Variants in SASH1 observed in about 807,000 individuals in gnomAD.
SASH1 encodes SAM and SH3 domain-containing protein 1.
In SASH1, 44 loss-of-function variants were observed where a neutral mutation model predicts 125.2. That is an observed-to-expected ratio of 0.35 (90% CI 0.28 to 0.45). The LOEUF is 0.45. Among genes scored for constraint, SASH1 ranks in the 20% least tolerant of loss-of-function variants. The pLI, the probability that SASH1 is intolerant of heterozygous loss-of-function variation, is 1.00. For synonymous variants in SASH1, 639 were observed against 649.1 expected, an observed-to-expected ratio of 0.98 and a Z score of 0.24; for missense variants, 1,426 against 1,614.5, an observed-to-expected ratio of 0.88 and a Z score of 2.00.
At chr6:148,424,118 G>A (rs1474553652) in intron 2 of SASH1, among the ~76,000 whole-genome samples, 1 of 151,792 alleles carries the variant, frequency 6.6e-6, no homozygotes, top group Non-Finnish European at 1.5e-5. Context: ...TCTATTGTTG[G>A]ACACCTGGCT....
At chr6:148,389,600 T>C (rs1463430127) in intron 1 of SASH1, among the ~76,000 whole-genome samples, 1 of 152,224 alleles carries the variant, frequency 6.6e-6, no homozygotes, top group Non-Finnish European at 1.5e-5. Flanking sequence ...TTGTCCCAGA[T>C]GCAATTCTCT....
At chr6:148,356,319 A>C (rs1278529450) in intron 1 of SASH1, among the ~76,000 whole-genome samples, 1 of 151,446 alleles carries the variant, frequency 6.6e-6, no homozygotes, top group Non-Finnish European at 1.5e-5. Flanking sequence ...TCCTGACCTT[A>C]GGTGATCCGC....
intron 4 of SASH1, among the ~76,000 whole-genome samples, chr6:148,459,667 G>T (rs918298674): frequency 2.7e-4 from 41 of 152,218 alleles, no homozygotes; most frequent in African/African-American, 9.6e-4. Context: ...GAAGGACTGA[G>T]GATGACTTGG....
intron 4 of SASH1, among the ~76,000 whole-genome samples, chr6:148,453,763 G>A (rs1215271151): frequency 1.3e-5 from 2 of 152,204 alleles, no homozygotes; most frequent in South Asian, 2.1e-4. Context: ...TGCTTATAAT[G>A]CAATGCGAAA....
chr6:148,231,934 C>T, the SASH1 span, among the ~76,000 whole-genome samples: 1 of 151,130 alleles, frequency 6.6e-6, no homozygotes, highest in African/African-American at 2.4e-5. Flanking sequence ...GTGACTGTTA[C>T]CTAATTAATC....
At chr6:148,374,447 A>C (rs1782812253) in intron 1 of SASH1, among the ~76,000 whole-genome samples, 1 of 152,208 alleles carries the variant, frequency 6.6e-6, no homozygotes, top group Admixed American at 6.5e-5. Context: ...TGGTGATGTT[A>C]ATAAATTCTC....
intron 10 of SASH1, among the ~76,000 whole-genome samples, chr6:148,521,804 C>T (rs1454569973): frequency 1.3e-5 from 2 of 152,206 alleles, no homozygotes; most frequent in Non-Finnish European, 2.9e-5. Flanking sequence ...AATTCATCTG[C>T]TCTTGTATGT....
At chr6:148,358,614 C>T (rs1782048106) in intron 1 of SASH1, among the ~76,000 whole-genome samples, 1 of 151,666 alleles carries the variant, frequency 6.6e-6, no homozygotes, top group South Asian at 2.1e-4. Flanking sequence ...TGGCCAGACT[C>T]TTAACTATCT....
At chr6:148,196,235 T>G in the SASH1 span, among the ~76,000 whole-genome samples, 27 of 152,348 alleles carry the variant, frequency 1.8e-4, no homozygotes, top group Admixed American at 7.8e-4. Context: ...TGGATCATGC[T>G]TCTCTCAAAG....
chr6:148,452,453 G>A (rs1244346080), intron 4 of SASH1, among the ~76,000 whole-genome samples: 1 of 152,182 alleles, frequency 6.6e-6, no homozygotes, highest in Non-Finnish European at 1.5e-5. Context: ...GCCCTGCACC[G>A]ATCAATTTAG....
the SASH1 span, among the ~76,000 whole-genome samples, chr6:148,255,750 C>T: frequency 6.6e-6 from 1 of 152,066 alleles, no homozygotes; most frequent in African/African-American, 2.4e-5. Flanking sequence ...TCAGGTGATT[C>T]TCCCACCTCA....
At position 148,551,018 on chromosome 6, in the gene SASH1, A is replaced by C. The variant is rs140285704; in HGVS notation, c.*2460A>C. 2 of 152,790 alleles carry C rather than the reference A, an allele frequency of 1.3e-5. No individual in the cohort carries two copies. The highest frequency in any genetic ancestry group is 4.8e-5 in the African/African-American group (2 of 41,596). 9.5% of individuals were successfully genotyped at this position (152,790 alleles called of 1,614,324 possible). ...TTTTATCACACTTCTTTGGAAATCA[A>C]TGCCTTTGCATAGAAAATCAAATTC... is the stretch of plus-strand genomic sequence containing the variant. On this transcript the variant is annotated 3_prime_UTR_variant, in exon 20 of 20. Transcript: ENST00000367467.
intron 2 of SASH1, among the ~76,000 whole-genome samples, chr6:148,405,898 T>TA (rs1374156469): frequency 6.6e-6 from 1 of 152,222 alleles, no homozygotes; most frequent in East Asian, 1.9e-4. Context: ...TTTGCTAACT[T>TA]TAAAGTGCAA....
In SASH1 at chr6:148,378,482, G is replaced by A. The variant is rs368798776; in HGVS notation, c.157-11652G>A. On this transcript the variant is annotated intron_variant, in intron 1 of 19. Coordinates refer to ENST00000367467, the MANE Select transcript of SASH1 (RefSeq NM_015278.5). ...TGAACCTCCCACCTCAGCTTCCTGA[G>A]TAGCTGGGGCCGCAGGCGTGTGCCA... Among the ~76,000 whole-genome samples the A allele has an allele frequency of 3.5e-3, 530 of 152,242 alleles. 3 individuals carry two copies. Among genetic ancestry groups the A allele is most frequent in the Non-Finnish European group, 5.3e-3 (359 of 68,006 alleles).
At chr6:148,539,676 C>T (rs561405367) in intron 16 of SASH1, among the ~76,000 whole-genome samples, 3 of 152,268 alleles carry the variant, frequency 2.0e-5, no homozygotes, top group South Asian at 4.1e-4. Flanking sequence ...CTTCCAAGTT[C>T]GAGGGTTTCC....
the SASH1 span, among the ~76,000 whole-genome samples, chr6:148,205,452 C>T: frequency 6.6e-6 from 1 of 152,114 alleles, no homozygotes; most frequent in Non-Finnish European, 1.5e-5. Context: ...TTAGGGGTTG[C>T]ATTATGTGTG....
chr6:148,428,969 G>A (rs1359451254), intron 2 of SASH1, among the ~76,000 whole-genome samples: 2 of 152,054 alleles, frequency 1.3e-5, no homozygotes, highest in African/African-American at 4.8e-5. Context: ...GCTATACCTC[G>A]AGCAATACGG....
intron 1 of SASH1, among the ~76,000 whole-genome samples, chr6:148,387,318 C>T (rs1316037353): frequency 1.3e-5 from 2 of 151,806 alleles, no homozygotes; most frequent in Non-Finnish European, 2.9e-5. Context: ...CGGGGTTTCA[C>T]CATGTTGGTC....
In SASH1 at chr6:148,471,493, G is replaced by A. The variant is rs773331897; in HGVS notation, c.504G>A (p.Gln168=). 4 of 1,570,946 alleles carry A rather than the reference G, an allele frequency of 2.5e-6. No homozygotes were observed. Among genetic ancestry groups the A allele is most frequent in the Non-Finnish European group, 3.5e-6 (4 of 1,154,716 alleles). ...AGAACCAGAAAGGAATAATGAGACA[G>A]ACTTCAAAAGGTACTGCAATGCAGC... ...FRKNQKGIMR[Q]TSKGEDVGYV... Residue 168 remains glutamine, a synonymous_variant, in exon 6 of 20, where the codon CAG becomes CAA. Transcript: ENST00000367467.
Sources: allele counts gnomAD v4.1 joint callset (sites outside exome capture counted in the v4.1 genomes callset), GRCh38; gene constraint gnomAD v4.1.1; transcripts MANE v1.5; gene names NCBI Gene and HGNC (gene_info 2026-07-23, HGNC 2026-07-21).